FBXL17: variants seen among roughly 807,000 people sequenced by gnomAD.
The protein encoded by FBXL17 is F-box and leucine rich repeat protein 17.
A neutral mutation model predicts 66.2 loss-of-function variants in FBXL17; 22 were observed. The observed-to-expected ratio is 0.33, with a 90% CI of 0.24 to 0.47. FBXL17 has a LOEUF of 0.47. Among genes scored for constraint, FBXL17 ranks in the 20% least tolerant of loss-of-function variants. FBXL17 has a pLI of 1.00. For missense variants in FBXL17, 878 were observed against 948.2 expected (o/e 0.93, Z 0.97); for synonymous variants, 474 against 400.5 (o/e 1.18, Z -2.19).
In FBXL17 at chr5:107,860,894, G is replaced by C. The variant is rs1186586213; in HGVS notation, c.*826C>G. On this transcript the variant is annotated 3_prime_UTR_variant, in exon 9 of 9. Transcript: ENST00000542267. ...ATTGGTGGCTTCAATGCTAAGATTA[G>C]TTTCAAATATCATTAAAATATATCC... 6.6e-6 allele frequency: 1 copy of C among 152,158 alleles called. No individual in the cohort carries two copies. Among genetic ancestry groups the C allele is most frequent in the Admixed American group, 6.5e-5 (1 of 15,274 alleles). The allele number at this position is 152,158 out of a possible 1,614,324, so 9.4% of individuals were successfully genotyped here.
intron 6 of FBXL17, among the ~76,000 whole-genome samples, chr5:108,127,645 T>TA (rs935843035): frequency 3.3e-5 from 5 of 152,196 alleles, no homozygotes; most frequent in African/African-American, 7.2e-5. Context: ...TGTTTCCAAT[T>TA]AAAAAAATCT....
At chr5:108,297,985 C>A (rs1211055153) in intron 4 of FBXL17, 30 of 982,992 alleles carry the variant, frequency 3.1e-5, no homozygotes, top group Non-Finnish European at 3.5e-5. Context: ...ACCCAACTGA[C>A]TGAATTCTAA....
At chr5:108,183,034 A>ATTTTTT (rs34101023) in intron 6 of FBXL17, among the ~76,000 whole-genome samples, 8 of 91,524 alleles carry the variant, frequency 8.7e-5, no homozygotes, top group African/African-American at 1.2e-4. Context: ...ACAGTTTTCT[A>ATTTTTT]TTTTTTTTTT....
intron 5 of FBXL17, among the ~76,000 whole-genome samples, chr5:108,220,975 T>C (rs1288351842): frequency 6.6e-6 from 1 of 152,166 alleles, no homozygotes; most frequent in Non-Finnish European, 1.5e-5. Flanking sequence ...TATCTTTGCT[T>C]CCTAAATATA....
chr5:108,313,553 T>C (rs1348761805), intron 4 of FBXL17, among the ~76,000 whole-genome samples: 1 of 152,050 alleles, frequency 6.6e-6, no homozygotes, highest in Non-Finnish European at 1.5e-5. Flanking sequence ...CTATTCTCAT[T>C]AACATTTCAG....
At chr5:107,994,383 T>C (rs752971561) in intron 7 of FBXL17, among the ~76,000 whole-genome samples, 1 of 152,176 alleles carries the variant, frequency 6.6e-6, no homozygotes, top group Non-Finnish European at 1.5e-5. Context: ...AAAATCTTTT[T>C]AGTGTGTTGT....
At position 107,973,843 on chromosome 5, in the gene FBXL17, T is replaced by TAA. The variant is rs34972473; in HGVS notation, c.1822+47080_1822+47081dup. On this transcript the variant is annotated intron_variant, in intron 7 of 8. Transcript: ENST00000542267. The stretch of plus-strand genomic sequence containing the variant: ...TATGGTAAAGACTTTGGGGGTAATC[T>TAA]AAAAAAAAAAAAAAAATACACTTAA... Among the ~76,000 whole-genome samples the TAA allele has an allele frequency of 1.5e-4, 21 of 139,312 alleles. No individual in the cohort carries two copies. The East Asian group carries it at 3.9e-3, about 26-fold the overall frequency. 91.4% of individuals were successfully genotyped at this position (139,312 alleles called of 152,430 possible).
chr5:107,867,639 A>G (rs1651082641), intron 8 of FBXL17, among the ~76,000 whole-genome samples: 1 of 152,224 alleles, frequency 6.6e-6, no homozygotes, highest in African/African-American at 2.4e-5. Flanking sequence ...CAAAGAATAA[A>G]TTGTGGACAG....
rs1178632958 is a variant in FBXL17, at chr5:108,381,287, C to T, written c.405G>A (p.Ser135=). 3 of 1,415,204 alleles carry T rather than the reference C, an allele frequency of 2.1e-6. No individual in the cohort carries two copies. The highest frequency in any genetic ancestry group is 1.5e-5 in the South Asian group (1 of 68,618). The allele number at this position is 1,415,204 out of a possible 1,614,324, so 87.7% of individuals were successfully genotyped here. The change falls in exon 1 of 9, where the codon TCG becomes TCA. Residue 135 remains serine, a synonymous_variant. Transcript: ENST00000542267. ...AAAAAAAASA[S]SPASCCKELG... is the part of the protein sequence containing the mutation. The stretch of plus-strand genomic sequence containing the variant: ...ACTCTTTGCAGCAGGAGGCGGGCGA[C>T]GAAGCCGAGGCGGCAGCGGCGGCGG...
At chr5:108,129,924 A>G (rs1750866588) in intron 6 of FBXL17, among the ~76,000 whole-genome samples, 1 of 92,176 alleles carries the variant, frequency 1.1e-5, no homozygotes, top group African/African-American at 5.3e-5. Flanking sequence ...ACATTTACTT[A>G]ATAATCTAAT....
rs185083014 is a variant in FBXL17 at position 108,294,467 on chromosome 5, C to A, written c.1506+53932G>T. ...CATCTAAGCTAATATTAACATTATT[C>A]AGTGATTCTCAATCATTATAAATAT... On this transcript the variant is annotated intron_variant, in intron 4 of 8. Coordinates refer to ENST00000542267, the MANE Select transcript of FBXL17 (RefSeq NM_001163315.3). Among the ~76,000 whole-genome samples the A allele has an allele frequency of 7.9e-3, 1,205 of 151,858 alleles. 11 individuals are homozygous for A. Among genetic ancestry groups the A allele is most frequent in the African/African-American group, 0.027 (1,139 of 41,462 alleles).
chr5:108,135,690 CAT>C (rs1256617733), intron 6 of FBXL17, among the ~76,000 whole-genome samples: 2 of 152,140 alleles, frequency 1.3e-5, no homozygotes, highest in Non-Finnish European at 2.9e-5. Context: ...TAAAAGGTGA[CAT>C]GTGCATTTGG....
chr5:108,316,377 C>G (rs1306128051), intron 4 of FBXL17, among the ~76,000 whole-genome samples: 1 of 151,408 alleles, frequency 6.6e-6, no homozygotes, highest in Non-Finnish European at 1.5e-5. Flanking sequence ...ACTCCTACAA[C>G]TATAAATTAC....
chr5:108,339,342 T>C (rs1315462210), intron 4 of FBXL17, among the ~76,000 whole-genome samples: 5 of 152,172 alleles, frequency 3.3e-5, no homozygotes, highest in Non-Finnish European at 5.9e-5. Flanking sequence ...TCCTCATAGA[T>C]GACAGGCTTA....
At chr5:107,946,534 T>C (rs758067147) in intron 7 of FBXL17, among the ~76,000 whole-genome samples, 11 of 150,874 alleles carry the variant, frequency 7.3e-5, no homozygotes, top group Non-Finnish European at 1.5e-4. Flanking sequence ...CTCCAACTCC[T>C]GGCCTCAAGT....
intron 4 of FBXL17, among the ~76,000 whole-genome samples, chr5:108,238,352 G>T (rs147173524): frequency 6.6e-6 from 1 of 152,092 alleles, no homozygotes; most frequent in Non-Finnish European, 1.5e-5. Context: ...CGTGTTATGC[G>T]CTAAGTACCT....
At chr5:108,120,321 C>T (rs1750435509) in intron 6 of FBXL17, among the ~76,000 whole-genome samples, 1 of 152,114 alleles carries the variant, frequency 6.6e-6, no homozygotes, top group African/African-American at 2.4e-5. Flanking sequence ...TGTTTAATCT[C>T]ACCTTTGTAA....
intron 4 of FBXL17, among the ~76,000 whole-genome samples, chr5:108,288,400 T>C (rs1757984735): frequency 6.6e-6 from 1 of 151,800 alleles, no homozygotes; most frequent in Non-Finnish European, 1.5e-5. Flanking sequence ...ACTGGCCCGA[T>C]GTAAGGTTGC....
intron 6 of FBXL17, among the ~76,000 whole-genome samples, chr5:108,079,156 C>CTTT (rs200371861): frequency 1.6e-4 from 23 of 139,778 alleles, no homozygotes; most frequent in Non-Finnish European, 2.7e-4. Flanking sequence ...ACCTCTCTTT[C>CTTT]TTTTTTTTTT....
Sources: allele counts gnomAD v4.1 joint callset (sites outside exome capture counted in the v4.1 genomes callset), GRCh38; gene constraint gnomAD v4.1.1; transcripts MANE v1.5; gene names NCBI Gene and HGNC (gene_info 2026-07-23, HGNC 2026-07-21).